Variants in TENM2 observed in about 807,000 individuals in gnomAD.
TENM2 encodes the protein teneurin-2.
TENM2 carries 52 observed loss-of-function variants against 245.2 expected under a neutral mutation model. The ratio of observed to expected loss-of-function variants is 0.21; its 90% CI spans 0.17 to 0.27. The LOEUF is 0.27. Ranked by LOEUF, TENM2 falls within the 10% of genes least tolerant of loss-of-function variation. The pLI is 1.00. For missense variants in TENM2, 3,046 were observed against 3,666.8 expected (o/e 0.83, Z 4.37); for synonymous variants, 1,363 against 1,438.9 (o/e 0.95, Z 1.19).
chr5:167,280,013 A>T (rs576821155), upstream of TENM2, among the ~76,000 whole-genome samples: 10 of 152,240 alleles, frequency 6.6e-5, no homozygotes, highest in African/African-American at 2.2e-4. Flanking sequence ...TCTGGCTCTT[A>T]CTTAAACCTT....
At chr5:167,938,427 C>T (rs1362140302) in intron 3 of TENM2, 1 of 152,126 alleles carries the variant, frequency 6.6e-6, no homozygotes, top group African/African-American at 2.4e-5. Flanking sequence ...TATACATGAG[C>T]TGAAACATGA....
At chr5:167,646,570 T>C (rs1238876146) in intron 2 of TENM2, among the ~76,000 whole-genome samples, 4 of 151,944 alleles carry the variant, frequency 2.6e-5, no homozygotes, top group African/African-American at 9.7e-5. Flanking sequence ...TTTTTCTTGG[T>C]GGCGATCCTG....
At chr5:167,076,621 A>G in the TENM2 span, among the ~76,000 whole-genome samples, 1 of 152,222 alleles carries the variant, frequency 6.6e-6, no homozygotes, top group South Asian at 2.1e-4. Flanking sequence ...AATAGTCGCT[A>G]TATACTAAAT....
chr5:168,195,425 G>A (rs1414512182), intron 15 of TENM2, 130 bp downstream of exon 17: 2 of 1,064,444 alleles, frequency 1.9e-6, no homozygotes, highest in African/African-American at 3.2e-5. Context: ...CTGTCCCCTA[G>A]TGAGGATTCC....
chr5:167,319,995 T>C (rs1010879109), intron 1 of TENM2, among the ~76,000 whole-genome samples: 3 of 152,218 alleles, frequency 2.0e-5, no homozygotes, highest in Non-Finnish European at 4.4e-5. Flanking sequence ...ATAGTTAATA[T>C]GTGTTGAACA....
At chr5:167,430,789 A>G in intron 2 of TENM2, among the ~76,000 whole-genome samples, 1 of 152,200 alleles carries the variant, frequency 6.6e-6, no homozygotes, top group South Asian at 2.1e-4. Context: ...TTCTTCTAAT[A>G]ACAACATTTC....
intron 1 of TENM2, among the ~76,000 whole-genome samples, chr5:167,369,524 A>T (rs1191437487): frequency 6.6e-6 from 1 of 152,020 alleles, no homozygotes; most frequent in Non-Finnish European, 1.5e-5. Flanking sequence ...CTAATTATAG[A>T]TTGGCACCAT....
At chr5:167,437,667 G>A (rs368561677) in intron 2 of TENM2, among the ~76,000 whole-genome samples, 17 of 152,242 alleles carry the variant, frequency 1.1e-4, no homozygotes, top group African/African-American at 4.1e-4. Context: ...CCATGTCATA[G>A]GTAGAACCCG....
At chr5:167,726,012 A>G (rs1759977986) in intron 2 of TENM2, among the ~76,000 whole-genome samples, 2 of 152,194 alleles carry the variant, frequency 1.3e-5, no homozygotes, top group Admixed American at 1.3e-4. Context: ...TAGAGGTATC[A>G]GAATTATCAC....
At position 168,218,225 on chromosome 5, in the gene TENM2, A is replaced by G. The variant is rs758268574; in HGVS notation, c.4334A>G (p.Gln1445Arg). 1.4e-5 allele frequency: 23 copies of G among 1,613,690 alleles called. No homozygotes were observed. The highest frequency in any genetic ancestry group is 1.2e-4 in the Admixed American group (7 of 59,998). ...ATCCTTCGAATCACCGAGAACCACC[A>G]AGTCAGCATCATTGCGGGACGCCCC... The change falls in exon 23 of 29, where the codon CAA becomes CGA. Residue 1445 changes from glutamine (Q) to arginine (R), a missense_variant. By Grantham distance (43) the Gln-to-Arg change is conservative. Transcript: ENST00000518659. This position sits in a 1 kb window ranked among gnomAD's most constrained non-coding sequence, Gnocchi z 5.2.
the TENM2 span, among the ~76,000 whole-genome samples, chr5:167,149,984 TAAAA>T: frequency 6.6e-6 from 1 of 151,960 alleles, no homozygotes; most frequent in East Asian, 1.9e-4. Flanking sequence ...AATGAAAAGA[TAAAA>T]GGAAGGAAGG....
chr5:167,402,143 A>T (rs1191723931), intron 2 of TENM2, among the ~76,000 whole-genome samples: 1 of 152,182 alleles, frequency 6.6e-6, no homozygotes, highest in Non-Finnish European at 1.5e-5. Context: ...TCTAAGTAAA[A>T]GCTGGGTGGT....
chr5:167,524,794 G>A (rs1770995403), intron 2 of TENM2, among the ~76,000 whole-genome samples: 3 of 151,538 alleles, frequency 2.0e-5, no homozygotes, highest in Admixed American at 6.6e-5. Context: ...CAAGAAAATC[G>A]AACATGAGGA....
At chr5:168,114,373 G>T (rs1191177048) in intron 9 of TENM2, among the ~76,000 whole-genome samples, 1 of 152,178 alleles carries the variant, frequency 6.6e-6, no homozygotes, top group East Asian at 1.9e-4. Context: ...CACAGAGTAG[G>T]CAGTCAGTGT....
chr5:167,801,720 G>A (rs1765790757), intron 2 of TENM2, among the ~76,000 whole-genome samples: 1 of 152,142 alleles, frequency 6.6e-6, no homozygotes, highest in Non-Finnish European at 1.5e-5. Flanking sequence ...AATGCAGAAT[G>A]CAGGCTCATA....
In TENM2 at chr5:168,216,753, G is replaced by A. The variant is rs780723721; in HGVS notation, c.4079-15G>A. 6.8e-6 allele frequency: 11 copies of A among 1,613,380 alleles called. No individual in the cohort carries two copies. Among genetic ancestry groups the A allele is most frequent in the Admixed American group, 3.3e-5 (2 of 59,976 alleles). On this transcript the variant is annotated splice_polypyrimidine_tract_variant and intron_variant, in intron 21 of 28. Coordinates refer to ENST00000518659, the Ensembl canonical transcript of TENM2. ...CCTTTCCAAGAGATAAATCCACACC[G>A]CTTGTCTTGCTCAGGTATTGCAGTA...
intron 2 of TENM2, among the ~76,000 whole-genome samples, chr5:167,664,177 T>G (rs2150332497): frequency 6.6e-6 from 1 of 152,304 alleles, no homozygotes; most frequent in East Asian, 1.9e-4. Context: ...AAAGTACAAC[T>G]GAGTCAAGAC....
At chr5:166,984,032 T>C in the TENM2 span, among the ~76,000 whole-genome samples, 1 of 152,160 alleles carries the variant, frequency 6.6e-6, no homozygotes, top group Non-Finnish European at 1.5e-5. Context: ...TACTGCTCTG[T>C]TGACTAAATT....
At chr5:168,102,122 G>A (rs1341812870) in intron 9 of TENM2, among the ~76,000 whole-genome samples, 1 of 152,086 alleles carries the variant, frequency 6.6e-6, no homozygotes, top group East Asian at 1.9e-4. Flanking sequence ...TGCCCAGGCT[G>A]GAGTGTAATG....
Sources: gnomAD v4.1 joint callset for allele counts (sites outside exome capture counted in the v4.1 genomes callset) on GRCh38, gnomAD v4.1.1 for gene constraint, Gnocchi (gnomAD v3.1) non-coding constraint, MANE v1.5 for transcripts, NCBI Gene and HGNC (gene_info 2026-07-23, HGNC 2026-07-21) for gene names.